LRRIQ3: variants seen among roughly 807,000 people sequenced by gnomAD.
The protein encoded by LRRIQ3 is leucine rich repeats and IQ motif containing 3.
Under a neutral mutation model 59.3 loss-of-function variants are expected in LRRIQ3, and 75 were observed. The ratio of observed to expected loss-of-function variants is 1.26; its 90% CI spans 1.05 to 1.53. The LOEUF (loss-of-function observed/expected upper bound fraction) is 1.53. LRRIQ3 is among the 40% of genes most tolerant of loss of function. LRRIQ3 has a pLI of 0.00. For missense variants in LRRIQ3, 831 were observed against 710.0 expected, an observed-to-expected ratio of 1.17 and a Z score of -1.94; for synonymous variants, 250 against 231.3, an observed-to-expected ratio of 1.08 and a Z score of -0.73.
At chr1:74,134,500 A>G (rs1025208044) in intron 4 of LRRIQ3, among the ~76,000 whole-genome samples, 7 of 151,988 alleles carry the variant, frequency 4.6e-5, no homozygotes, top group African/African-American at 1.7e-4. Context: ...AATTTCAAAG[A>G]GTCTATAAGT....
intron 1 of LRRIQ3, among the ~76,000 whole-genome samples, chr1:74,191,308 G>C (rs541496561): frequency 6.6e-6 from 1 of 152,064 alleles, no homozygotes; most frequent in South Asian, 2.1e-4. Context: ...GAAGTTCTGA[G>C]AGAAGAGAAA....
chr1:74,028,362 T>C lies in LRRIQ3; in HGVS notation c.1719-1393A>G, dbSNP rs566195319. ...CTTTCTCTCTCATTTTCTTCATTGT[T>C]AAGGAGATAACCTAACTCATAGGGT... On this transcript the variant is annotated intron_variant, in intron 7 of 7. Transcript: ENST00000354431. Among the ~76,000 whole-genome samples, 7 of 152,228 alleles carry C rather than the reference T, an allele frequency of 4.6e-5. No homozygotes were observed. In the South Asian group the frequency reaches 1.5e-3, roughly 32 times the overall value.
chr1:74,166,762 C>G (rs1432399718), intron 3 of LRRIQ3, among the ~76,000 whole-genome samples: 4 of 151,488 alleles, frequency 2.6e-5, no homozygotes, highest in African/African-American at 9.7e-5. Flanking sequence ...TTCTTTATTT[C>G]TTTTACACCA....
intron 3 of LRRIQ3, among the ~76,000 whole-genome samples, chr1:74,179,145 A>T (rs2100716916): frequency 6.6e-6 from 1 of 152,220 alleles, no homozygotes; most frequent in East Asian, 1.9e-4. Flanking sequence ...TGATCTTTAA[A>T]AAGTTACATA....
chr1:74,183,486 G>T lies in LRRIQ3; in HGVS notation c.199C>A (p.Pro67Thr). 6.2e-7 allele frequency: 1 copy of T among 1,608,850 alleles called. No homozygotes were observed. Among genetic ancestry groups the T allele is most frequent in the South Asian group, 1.1e-5 (1 of 90,420 alleles). The change falls in exon 2 of 8, where the codon CCA becomes ACA. Residue 67 changes from proline (P) to threonine (T), a missense_variant. Physicochemically the swap from Pro to Thr is conservative, Grantham distance 38. Transcript: ENST00000354431. ...FSNNFITDIHPLQSCIKLIKL... is the reference protein window; with the variant it reads ...FSNNFITDIHTLQSCIKLIKL... The stretch of plus-strand genomic sequence containing the variant: ...ATTAATTTTATACAACTTTGAAGTG[G>T]ATGAATATCTGTAATAAAATTGTTT...
At position 74,060,252 on chromosome 1, in the gene LRRIQ3, TTCTTCC is replaced by T. The variant is rs1654679407; in HGVS notation, c.997+14403_997+14408del. On this transcript the variant is annotated intron_variant, in intron 6 of 7. Transcript: ENST00000354431. The stretch of plus-strand genomic sequence containing the variant: ...CTTCTTCTTCTTCTTCTTCTTCTTC[TTCTTCC>T]TCTTCCTCTTCTTTCTCTTCCTCCT... Among the ~76,000 whole-genome samples, 134 of 128,462 alleles carry T rather than the reference TTCTTCC, an allele frequency of 1.0e-3. 1 individual carries two copies. The highest frequency in any genetic ancestry group is 3.7e-3 in the African/African-American group (121 of 33,108). 84.3% of individuals were successfully genotyped at this position (128,462 alleles called of 152,430 possible).
At chr1:74,184,141 C>A (rs1052384848) in intron 1 of LRRIQ3, among the ~76,000 whole-genome samples, 2 of 151,930 alleles carry the variant, frequency 1.3e-5, no homozygotes, top group Non-Finnish European at 2.9e-5. Flanking sequence ...CTAAACAATG[C>A]AGCCAGATAA....
At chr1:74,100,056 G>A (rs1297654849) in intron 5 of LRRIQ3, among the ~76,000 whole-genome samples, 1 of 152,082 alleles carries the variant, frequency 6.6e-6, no homozygotes, top group Non-Finnish European at 1.5e-5. Context: ...GTTCTGGCCA[G>A]GGCAATCAGG....
At chr1:74,072,575 G>A (rs1655058210) in intron 6 of LRRIQ3, among the ~76,000 whole-genome samples, 1 of 151,704 alleles carries the variant, frequency 6.6e-6, no homozygotes, top group Non-Finnish European at 1.5e-5. Context: ...TGTGAACAAA[G>A]AAGAAAAAAT....
At chr1:74,103,282 C>T (rs888090373) in intron 5 of LRRIQ3, among the ~76,000 whole-genome samples, 19 of 151,932 alleles carry the variant, frequency 1.3e-4, no homozygotes, top group African/African-American at 4.6e-4. Flanking sequence ...CAGCATAGAA[C>T]TTGATTGATT....
At chr1:74,086,159 T>G (rs556351042) in intron 5 of LRRIQ3, among the ~76,000 whole-genome samples, 1 of 152,230 alleles carries the variant, frequency 6.6e-6, no homozygotes, top group South Asian at 2.1e-4. Flanking sequence ...GTTAGGTTTT[T>G]ACCTCATTTT....
chr1:74,125,102 A>T lies in LRRIQ3; in HGVS notation c.708-15549T>A, dbSNP rs570566069. ...TGGTTAAGTTAATTCCTAGGTATCT[A>T]ATTTTATTTCTAGCTATTGTTAATG... On this transcript the variant is annotated intron_variant, in intron 4 of 7. Transcript: ENST00000354431. 1.8e-4 allele frequency among the ~76,000 whole-genome samples: 28 copies of T among 151,654 alleles called. 1 individual carries two copies. The highest frequency in any genetic ancestry group is 3.8e-4 in the Non-Finnish European group (26 of 67,748).
At chr1:74,056,481 C>A (rs1345472712) in intron 6 of LRRIQ3, among the ~76,000 whole-genome samples, 1 of 151,932 alleles carries the variant, frequency 6.6e-6, no homozygotes, top group Non-Finnish European at 1.5e-5. Context: ...GAAGACTCCA[C>A]CAAAAAACTC....
intron 6 of LRRIQ3, among the ~76,000 whole-genome samples, chr1:74,069,691 C>T (rs1474651000): frequency 6.6e-6 from 1 of 151,616 alleles, no homozygotes; most frequent in East Asian, 1.9e-4. Context: ...ATAAATGAGA[C>T]AACATAATAT....
intron 4 of LRRIQ3, among the ~76,000 whole-genome samples, chr1:74,129,971 C>CA (rs141011164): frequency 0.094 from 14,227 of 151,008 alleles, 687 homozygotes; most frequent in Middle Eastern, 0.13. Flanking sequence ...GCCCCCCCAC[C>CA]AAAAAAAAGT....
intron 1 of LRRIQ3, 65 bp from the exon 2 acceptor site, chr1:74,183,749 C>G (rs1328822719): frequency 2.9e-6 from 4 of 1,401,540 alleles, no homozygotes; most frequent in Non-Finnish European, 3.8e-6. Context: ...TGAAAACAAA[C>G]AAAATTTTGC....
At chr1:74,143,237 T>C (rs944045524) in intron 4 of LRRIQ3, among the ~76,000 whole-genome samples, 2 of 152,008 alleles carry the variant, frequency 1.3e-5, no homozygotes, top group Non-Finnish European at 2.9e-5. Flanking sequence ...TTATGGATAA[T>C]ATTTAATTAT....
intron 4 of LRRIQ3, among the ~76,000 whole-genome samples, chr1:74,132,715 A>G (rs1316956659): frequency 6.6e-6 from 1 of 152,190 alleles, no homozygotes; most frequent in Non-Finnish European, 1.5e-5. Context: ...AAATTAATTC[A>G]AGATGGATTA....
At chr1:74,110,918 G>T (rs1646685562) in intron 4 of LRRIQ3, among the ~76,000 whole-genome samples, 1 of 151,980 alleles carries the variant, frequency 6.6e-6, no homozygotes, top group South Asian at 2.1e-4. Flanking sequence ...CAAAATCACT[G>T]CCATCAGCTA....
Sources: gnomAD v4.1 joint callset for allele counts (sites outside exome capture counted in the v4.1 genomes callset) on GRCh38, gnomAD v4.1.1 for gene constraint, MANE v1.5 for transcripts, NCBI Gene and HGNC (gene_info 2026-07-23, HGNC 2026-07-21) for gene names.